The following TCF4 variants were observed in gnomAD, a reference collection of about 807,000 sequenced individuals.
TCF4 encodes the protein SL3-3 enhancer factor 2.
TCF4 carries 3 observed loss-of-function variants against 82.1 expected under a neutral mutation model. The observed-to-expected ratio is 0.04, with a 90% CI of 0.02 to 0.09. TCF4 has a LOEUF of 0.09. Among genes scored for constraint, TCF4 ranks in the 10% least tolerant of loss-of-function variants. The pLI, the probability that TCF4 is intolerant of heterozygous loss-of-function variation, is 1.00. For synonymous variants in TCF4, 276 were observed against 309.6 expected (o/e 0.89, Z 1.14); for missense variants, 518 against 852.7 (o/e 0.61, Z 4.89).
At chr18:55,391,577 A>G (rs1008202864) in intron 6 of TCF4, among the ~76,000 whole-genome samples, 26 of 151,966 alleles carry the variant, frequency 1.7e-4, no homozygotes, top group Non-Finnish European at 2.8e-4. Flanking sequence ...TCCTGGGCCC[A>G]GGTAAGCCCA....
intron 8 of TCF4, among the ~76,000 whole-genome samples, chr18:55,310,978 A>G (rs1445712218): frequency 6.6e-6 from 1 of 152,186 alleles, no homozygotes; most frequent in Non-Finnish European, 1.5e-5. Flanking sequence ...TACTGACTCA[A>G]CATATTCTAA....
At chr18:55,509,868 T>C (rs1413532785) in intron 3 of TCF4, among the ~76,000 whole-genome samples, 2 of 152,152 alleles carry the variant, frequency 1.3e-5, no homozygotes, top group African/African-American at 2.4e-5. Flanking sequence ...GAAATTCCTT[T>C]GATAATCAAG....
intron 6 of TCF4, among the ~76,000 whole-genome samples, chr18:55,362,355 A>G (rs1224397357): frequency 3.2e-5 from 3 of 93,328 alleles, no homozygotes; most frequent in African/African-American, 1.4e-4. Context: ...GGAAGGAAGG[A>G]AGGAAGGAAG....
chr18:55,258,145 C>T (rs2057285759), intron 13 of TCF4, among the ~76,000 whole-genome samples: 1 of 152,104 alleles, frequency 6.6e-6, no homozygotes, highest in Non-Finnish European at 1.5e-5. Context: ...ACACTGTTAG[C>T]ACTTTTAAAA....
At chr18:55,357,338 C>T (rs563127513) in intron 6 of TCF4, among the ~76,000 whole-genome samples, 22 of 152,182 alleles carry the variant, frequency 1.4e-4, no homozygotes, top group Admixed American at 1.2e-3. Context: ...CTTATGTAAA[C>T]AATACAGAAT....
intron 5 of TCF4, among the ~76,000 whole-genome samples, chr18:55,412,863 C>A (rs1470205156): frequency 6.6e-6 from 1 of 152,038 alleles, no homozygotes; most frequent in African/African-American, 2.4e-5. Context: ...AGAGTCTTAG[C>A]AACAGTCAAT....
At chr18:55,581,420 G>C (rs1458355016) in intron 3 of TCF4, among the ~76,000 whole-genome samples, 1 of 151,952 alleles carries the variant, frequency 6.6e-6, no homozygotes, top group Non-Finnish European at 1.5e-5. Flanking sequence ...CTAACATAAT[G>C]GGTTTAACGC....
chr18:55,238,393 T>G (rs2050185432), intron 15 of TCF4, among the ~76,000 whole-genome samples: 1 of 152,180 alleles, frequency 6.6e-6, no homozygotes, highest in South Asian at 2.1e-4. Flanking sequence ...GAGAATGCAT[T>G]TACTAATTTA....
chr18:55,532,722 T>C (rs1177231313), intron 3 of TCF4, among the ~76,000 whole-genome samples: 1 of 152,196 alleles, frequency 6.6e-6, no homozygotes, highest in Non-Finnish European at 1.5e-5. Context: ...CACTGAGTTC[T>C]ACTCTGAAAA....
chr18:55,426,099 T>TTATATA lies in TCF4; in HGVS notation c.305-22587_305-22582dup, dbSNP rs35262105. Among the ~76,000 whole-genome samples the TTATATA allele has an allele frequency of 2.7e-3, 374 of 139,124 alleles. 3 individuals carry two copies. Among genetic ancestry groups the TTATATA allele is most frequent in the South Asian group, 0.012 (56 of 4,538 alleles). The allele number at this position is 139,124 out of a possible 152,430, so 91.3% of individuals were successfully genotyped here. On this transcript the variant is annotated intron_variant, in intron 5 of 19. Coordinates refer to ENST00000354452, the MANE Select transcript of TCF4 (RefSeq NM_001083962.2). ...AAAACACAAACCAAGACAAAAAATT[T>TTATATA]TATATATATATATATATATACACAC...
At chr18:55,229,317 A>G (rs1346096905) in intron 17 of TCF4, 2 of 541,426 alleles carry the variant, frequency 3.7e-6, no homozygotes, top group Non-Finnish European at 6.7e-6. Context: ...AGGGTGACGT[A>G]GATTAAAGTT....
At chr18:55,265,515 AGATTT>A (rs2058958985) in intron 11 of TCF4, 2 of 152,266 alleles carry the variant, frequency 1.3e-5, no homozygotes, top group African/African-American at 4.8e-5. Flanking sequence ...GAAATGGAGG[AGATTT>A]AAATCAAACT....
At chr18:55,598,809 A>T (rs1326132129) in intron 2 of TCF4, among the ~76,000 whole-genome samples, 2 of 152,244 alleles carry the variant, frequency 1.3e-5, no homozygotes, top group Admixed American at 1.3e-4. Context: ...GAGCCATCAA[A>T]TACAGCTCCA....
chr18:55,547,321 C>G (rs946235272), intron 3 of TCF4, among the ~76,000 whole-genome samples: 14 of 152,186 alleles, frequency 9.2e-5, no homozygotes, highest in African/African-American at 2.9e-4. Flanking sequence ...TGAAATCACA[C>G]TATAAATTAT....
At chr18:55,512,779 T>A (rs1234738332) in intron 3 of TCF4, among the ~76,000 whole-genome samples, 9 of 151,852 alleles carry the variant, frequency 5.9e-5, no homozygotes, top group Non-Finnish European at 1.2e-4. Flanking sequence ...TGTTTAAAAA[T>A]TTTTCAAAAT....
intron 6 of TCF4, among the ~76,000 whole-genome samples, chr18:55,380,995 T>A (rs966425000): frequency 1.3e-5 from 2 of 152,226 alleles, no homozygotes; most frequent in Non-Finnish European, 2.9e-5. Context: ...GTTAGCATTA[T>A]GTTATTCTTG....
chr18:55,618,773 G>A (rs2097714745), intron 2 of TCF4, among the ~76,000 whole-genome samples: 2 of 148,920 alleles, frequency 1.3e-5, no homozygotes, highest in African/African-American at 2.5e-5. Flanking sequence ...TTTTTGTAGA[G>A]ACAGAGTCTT....
At chr18:55,578,588 G>C (rs924979584) in intron 3 of TCF4, among the ~76,000 whole-genome samples, 1 of 152,014 alleles carries the variant, frequency 6.6e-6, no homozygotes, top group Non-Finnish European at 1.5e-5. Context: ...GACGGATTTT[G>C]TATTTCAGCT....
intron 5 of TCF4, 30 bp from the exon 6 acceptor site, chr18:55,403,548 A>G (rs759384219): frequency 1.2e-6 from 2 of 1,613,632 alleles, no homozygotes. Context: ...AAAAGTGTAA[A>G]TTGTGTTTTT....
Sources: allele counts gnomAD v4.1 joint callset (sites outside exome capture counted in the v4.1 genomes callset), GRCh38; gene constraint gnomAD v4.1.1; transcripts MANE v1.5; gene names NCBI Gene and HGNC (gene_info 2026-07-23, HGNC 2026-07-21).